Variants in ARHGAP32 observed in about 807,000 individuals in gnomAD.
The protein encoded by ARHGAP32 is rho GTPase-activating protein 32.
Under a neutral mutation model 186.5 loss-of-function variants are expected in ARHGAP32, and 51 were observed. That is an observed-to-expected ratio of 0.27 (90% confidence interval 0.22 to 0.35). ARHGAP32 has a LOEUF of 0.35. ARHGAP32 is among the 10% of genes least tolerant of loss of function. The probability of loss-of-function intolerance (pLI) is 1.00; values close to 1 mark genes in which losing one functional copy is unlikely to be tolerated. For synonymous variants in ARHGAP32, 950 were observed against 964.3 expected, an observed-to-expected ratio of 0.99 and a Z score of 0.27; for missense variants, 2,186 against 2,623.5, an observed-to-expected ratio of 0.83 and a Z score of 3.64.
At chr11:129,210,096 A>T (rs990012627) in intron 1 of ARHGAP32, among the ~76,000 whole-genome samples, 2 of 152,202 alleles carry the variant, frequency 1.3e-5, no homozygotes, top group African/African-American at 4.8e-5. Context: ...CTAACAGCTG[A>T]TGCAGATGTC....
At position 128,976,415 on chromosome 11, in the gene ARHGAP32, T is replaced by C. The variant is rs536761532; in HGVS notation, c.2194+148A>G. The C allele has an allele frequency of 6.2e-4, 361 of 580,882 alleles. No individual in the cohort carries two copies. Among genetic ancestry groups the C allele is most frequent in the African/African-American group, 6.1e-3 (330 of 54,016 alleles). 36.0% of individuals were successfully genotyped at this position (580,882 alleles called of 1,614,324 possible). ...ATGTGAAAGCATCAATGAATTTTAA[T>C]CTGAATAATACTAAATAGACACTAG... On this transcript the variant is annotated intron_variant, in intron 20 of 22. Transcript: ENST00000682385.
chr11:129,093,730 G>A (rs185173772), intron 5 of ARHGAP32, 23 bp from the exon 6 acceptor site: 3 of 1,505,170 alleles, frequency 2.0e-6, no homozygotes, highest in African/African-American at 2.8e-5. Flanking sequence ...AAAAAAAGAA[G>A]AGGGGGAAAG....
chr11:129,229,779 G>A (rs1192180063), intron 1 of ARHGAP32, among the ~76,000 whole-genome samples: 1 of 152,024 alleles, frequency 6.6e-6, no homozygotes, highest in East Asian at 1.9e-4. Context: ...TGAATATTAA[G>A]ATATATATAT....
chr11:129,029,380 A>C (rs1938997700), intron 11 of ARHGAP32, among the ~76,000 whole-genome samples: 1 of 152,218 alleles, frequency 6.6e-6, no homozygotes, highest in Non-Finnish European at 1.5e-5. Flanking sequence ...TGCATGGCAC[A>C]GGGCTTGGTG....
At chr11:129,113,237 A>G (rs1942276414) in intron 5 of ARHGAP32, among the ~76,000 whole-genome samples, 1 of 152,192 alleles carries the variant, frequency 6.6e-6, no homozygotes, top group South Asian at 2.1e-4. Flanking sequence ...CAATGCACAT[A>G]CAGAGATGAT....
chr11:128,998,546 C>G, intron 11 of ARHGAP32, 78 bp from the exon 12 acceptor site: 1 of 1,129,144 alleles, frequency 8.9e-7, no homozygotes, highest in Admixed American at 2.9e-5. Context: ...AAACATATCT[C>G]AAGAGGCTGA....
chr11:129,204,083 T>G (rs1944488644), intron 1 of ARHGAP32, among the ~76,000 whole-genome samples: 1 of 149,882 alleles, frequency 6.7e-6, no homozygotes, highest in Non-Finnish European at 1.5e-5. Flanking sequence ...GGAAGTAATA[T>G]TTCCTGAGTT....
At chr11:129,261,570 C>T (rs1254388017) in intron 1 of ARHGAP32, among the ~76,000 whole-genome samples, 2 of 152,122 alleles carry the variant, frequency 1.3e-5, no homozygotes, top group East Asian at 1.9e-4. Context: ...GCCCCCATTT[C>T]GACTAGACAG....
chr11:128,996,639 T>C (rs569699764), intron 12 of ARHGAP32, among the ~76,000 whole-genome samples: 1 of 152,224 alleles, frequency 6.6e-6, no homozygotes, highest in Non-Finnish European at 1.5e-5. Flanking sequence ...GTATGTATTA[T>C]AAATAGCTCT....
chr11:129,193,309 G>C (rs1246224849), upstream of ARHGAP32, among the ~76,000 whole-genome samples: 1 of 3,406 alleles, frequency 2.9e-4, no homozygotes, highest in Non-Finnish European at 1.8e-3. Context: ...TCATCTTTAT[G>C]GGGGGGGGGG....
intron 15 of ARHGAP32, among the ~76,000 whole-genome samples, chr11:128,984,977 G>A (rs546899240): frequency 6.6e-6 from 1 of 152,126 alleles, no homozygotes; most frequent in South Asian, 2.1e-4. Flanking sequence ...ATGATTTTTT[G>A]ACGTTTATGA....
chr11:129,080,451 C>T (rs1000315927), intron 6 of ARHGAP32, among the ~76,000 whole-genome samples: 12 of 152,124 alleles, frequency 7.9e-5, no homozygotes, highest in Non-Finnish European at 1.2e-4. Context: ...CAAAAGGAGC[C>T]CTCAAAACTA....
intron 11 of ARHGAP32, among the ~76,000 whole-genome samples, chr11:129,028,553 C>A (rs915072353): frequency 6.6e-6 from 1 of 152,200 alleles, no homozygotes; most frequent in African/African-American, 2.4e-5. Flanking sequence ...GAAAGCTGTA[C>A]TCCAAAATTT....
In ARHGAP32 at chr11:129,267,947, G is replaced by A. The variant is rs139404549; in HGVS notation, c.-5+11199C>T. Among the ~76,000 whole-genome samples, 143 of 152,130 alleles carry A rather than the reference G, an allele frequency of 9.4e-4. 1 individual carries two copies. The highest frequency in any genetic ancestry group is 1.9e-3 in the Non-Finnish European group (130 of 67,998). On this transcript the variant is annotated intron_variant, in intron 1 of 6. Transcript: ENST00000525234. ...TGGGGAACTAACGGAGGGACAGCTC[G>A]CTCACTCACCCCCCACCCACGGAAG...
At chr11:129,279,558 C>T (rs936083671), upstream of ARHGAP32, among the ~76,000 whole-genome samples, 4 of 146,050 alleles carry the variant, frequency 2.7e-5, no homozygotes, top group Admixed American at 2.0e-4. Context: ...CCGCCGGAGC[C>T]CGCCGCCCGC....
chr11:129,222,177 T>C (rs982116803), intron 1 of ARHGAP32, among the ~76,000 whole-genome samples: 7 of 152,172 alleles, frequency 4.6e-5, no homozygotes, highest in Non-Finnish European at 2.9e-5. Context: ...CTCTAAAGCA[T>C]ATTCCCTCAT....
upstream of ARHGAP32, among the ~76,000 whole-genome samples, chr11:129,194,775 GAT>G (rs1387659513): frequency 2.6e-5 from 4 of 151,570 alleles, no homozygotes; most frequent in Non-Finnish European, 5.9e-5. Flanking sequence ...AAGAAAGAAA[GAT>G]AGTTTTTCAC....
At chr11:129,071,963 A>G (rs1940883377) in intron 6 of ARHGAP32, among the ~76,000 whole-genome samples, 1 of 152,240 alleles carries the variant, frequency 6.6e-6, no homozygotes, top group Admixed American at 6.5e-5. Flanking sequence ...TGGCAAAAAA[A>G]GACAAACATC....
rs931723388 is a variant in ARHGAP32, at chr11:128,967,094, C to A, written c.*1813G>T. On this transcript the variant is annotated 3_prime_UTR_variant, in exon 23 of 23. Transcript: ENST00000682385. ...TTTTACTGCATCCCTCCAATGAATT[C>A]TAAGGGAACAAAAGAAAACCTTATA... is the stretch of plus-strand genomic sequence containing the variant. 1.3e-5 allele frequency: 2 copies of A among 152,178 alleles called. No individual in the cohort carries two copies. Among genetic ancestry groups the A allele is most frequent in the African/African-American group, 4.8e-5 (2 of 41,434 alleles). The allele number at this position is 152,178 out of a possible 1,614,324, so 9.4% of individuals were successfully genotyped here.
Sources: allele counts gnomAD v4.1 joint callset (sites outside exome capture counted in the v4.1 genomes callset), GRCh38; gene constraint gnomAD v4.1.1; transcripts MANE v1.5; gene names NCBI Gene and HGNC (gene_info 2026-07-23, HGNC 2026-07-21).